USP35: variants seen among roughly 807,000 people sequenced by gnomAD.
USP35 encodes ubiquitin specific peptidase 35, also known as ubiquitin carboxyl-terminal hydrolase 35.
In USP35, 69 loss-of-function variants were observed where a neutral mutation model predicts 83.8. That is an observed-to-expected ratio of 0.82 (90% CI 0.68 to 1.01). USP35 has a LOEUF of 1.01. USP35 is among the 50% of genes least tolerant of loss of function. The pLI is 0.00. For synonymous variants in USP35, 714 were observed against 589.5 expected (o/e 1.21, Z -3.06); for missense variants, 1,503 against 1,362.5 (o/e 1.10, Z -1.62).
chr11:78,196,970 C>T lies in USP35; in HGVS notation c.673+52C>T, dbSNP rs1360998476. The T allele has an allele frequency of 4.2e-6, 6 of 1,420,640 alleles. No homozygotes were observed. Among genetic ancestry groups the T allele is most frequent in the Non-Finnish European group, 5.5e-6 (6 of 1,091,986 alleles). 88.0% of individuals were successfully genotyped at this position (1,420,640 alleles called of 1,614,324 possible). On this transcript the variant is annotated intron_variant, in intron 2 of 10. Coordinates refer to ENST00000529308, the MANE Select transcript of USP35 (RefSeq NM_020798.4). The surrounding 1 kb of genome is among the most constrained non-coding windows in gnomAD (Gnocchi z 4.8). ...CGGGCATGCGGAGGTCCTGGGTGGG[C>T]GCTTGGGTAGGTGGCTGTACGTGTG...
the USP35 span, among the ~76,000 whole-genome samples, chr11:78,227,290 A>G: frequency 2.0e-5 from 3 of 152,210 alleles, no homozygotes; most frequent in Non-Finnish European, 4.4e-5. Flanking sequence ...CACTCCCTGA[A>G]CAAGTATCAA....
chr11:78,217,139 C>CATTA (rs3832723), downstream of USP35: 40,321 of 152,066 alleles, frequency 0.27, 6,109 homozygotes, highest in African/African-American at 0.41. Context: ...CTTCCCTGAT[C>CATTA]CCCCACTCCT....
At chr11:78,216,865 T>G (rs1356390386), downstream of USP35, 1 of 152,034 alleles carries the variant, frequency 6.6e-6, no homozygotes, top group Non-Finnish European at 1.5e-5. Flanking sequence ...CTGGGCAGAG[T>G]GAACCAGCAC....
chr11:78,196,212 G>T lies in USP35; in HGVS notation c.-10-24G>T. On this transcript the variant is annotated intron_variant, in intron 1 of 10. Transcript: ENST00000529308. The surrounding 1 kb of genome is among the most constrained non-coding windows in gnomAD (Gnocchi z 4.8). ...TTGAGCCCCGCGGTTGTCGGGCTGT[G>T]ACCTCATTCCCTGTCCTCCGCAGCG... 1.3e-6 allele frequency: 2 copies of T among 1,566,498 alleles called. No individual in the cohort carries two copies. Among genetic ancestry groups the T allele is most frequent in the South Asian group, 2.3e-5 (2 of 88,386 alleles).
At chr11:78,221,526 T>G in the USP35 span, 149 of 441,788 alleles carry the variant, frequency 3.4e-4, no homozygotes, top group African/African-American at 2.9e-3. Context: ...AAACAGGTGC[T>G]CAAGAAGGGT....
At chr11:78,198,590 C>T (rs1761306969) in intron 3 of USP35, 1 of 984,944 alleles carries the variant, frequency 1.0e-6, no homozygotes, top group Admixed American at 6.1e-5. Flanking sequence ...CAGGCCTTTG[C>T]CTATGCAGAC....
intron 6 of USP35, among the ~76,000 whole-genome samples, chr11:78,203,411 C>T (rs929760850): frequency 5.3e-5 from 8 of 152,114 alleles, no homozygotes; most frequent in South Asian, 2.1e-4. Context: ...TTGCACCACT[C>T]GGCTAGATCT....
At chr11:78,199,528 T>G (rs1180377144) in intron 3 of USP35, 67 bp from the exon 4 acceptor site, 2 of 1,607,108 alleles carry the variant, frequency 1.2e-6, no homozygotes, top group Non-Finnish European at 1.7e-6. Flanking sequence ...GGATAGCCCC[T>G]GGGCTGCCCT....
the USP35 span, chr11:78,221,781 T>C: frequency 1.2e-6 from 2 of 1,607,934 alleles, no homozygotes; most frequent in Non-Finnish European, 1.7e-6. Flanking sequence ...AAGGTGTGGC[T>C]GTTGTGGGAA....
downstream of USP35, chr11:78,217,071 A>T (rs1448163096): frequency 6.6e-6 from 1 of 152,278 alleles, no homozygotes; most frequent in African/African-American, 2.4e-5. Flanking sequence ...CCTCTGTAAA[A>T]ATCTGACTCA....
Position 78,209,632 on chromosome 11 carries a change from T to G in USP35, c.1777T>G (p.Phe593Val). 1 of 1,614,046 alleles carries G rather than the reference T, an allele frequency of 6.2e-7. No homozygotes were observed. Among genetic ancestry groups the G allele is most frequent in the Non-Finnish European group, 8.5e-7 (1 of 1,179,974 alleles). The change falls in exon 10 of 11, where the codon TTC becomes GTC. Residue 593 changes from phenylalanine to valine, a missense_variant. By Grantham distance (50) the Phe-to-Val change is conservative. Transcript: ENST00000529308. Reference sequence around the variant, plus strand: ...CAACGTCTCCTCCCGGGAGGAGGCCTTCACGGACCTCTCTCTCGCCTTCCC... The same window carrying G: ...CAACGTCTCCTCCCGGGAGGAGGCCGTCACGGACCTCTCTCTCGCCTTCCC... ...CLNVSSREEAFTDLSLAFPPP... is the reference protein window; with the variant it reads ...CLNVSSREEAVTDLSLAFPPP...
intron 7 of USP35, among the ~76,000 whole-genome samples, chr11:78,206,432 C>T (rs1224468671): frequency 6.6e-6 from 1 of 152,136 alleles, no homozygotes; most frequent in African/African-American, 2.4e-5. Flanking sequence ...ACCTATCTAC[C>T]TTATGGCTTA....
intron 9 of USP35, 72 bp from the exon 10 acceptor site, chr11:78,209,376 G>A: frequency 6.9e-7 from 1 of 1,449,092 alleles, no homozygotes; most frequent in South Asian, 1.4e-5. Flanking sequence ...AAGGTAAATG[G>A]GCATGGATAA....
rs1863620520 is a variant in USP35 at position 78,208,862 on chromosome 11, T to C, written c.1491T>C (p.Pro497=). The change falls in exon 9 of 11, where the codon CCT becomes CCC. Residue 497 remains proline, a synonymous_variant. Transcript: ENST00000529308. ...LFGFLEHSQR[P]AISPENFLSA... is the part of the protein sequence containing the mutation. Reference sequence around the variant, plus strand: ...TTTCGCCTGCCTTGTCCTAGCGGCCTGCCATTTCCCCAGAGAACTTCCTCT... The same window carrying C: ...TTTCGCCTGCCTTGTCCTAGCGGCCCGCCATTTCCCCAGAGAACTTCCTCT... 2 of 1,614,080 alleles carry C rather than the reference T, an allele frequency of 1.2e-6. No homozygotes were observed. The highest frequency in any genetic ancestry group is 2.7e-5 in the African/African-American group (2 of 74,936).
rs974007395 is a variant in USP35 at position 78,196,418 on chromosome 11, G to A, written c.173G>A (p.Arg58His). 1.5e-6 allele frequency: 2 copies of A among 1,295,654 alleles called. No homozygotes were observed. Among genetic ancestry groups the A allele is most frequent in the East Asian group, 3.5e-5 (1 of 28,656 alleles). The allele number at this position is 1,295,654 out of a possible 1,614,324, so 80.3% of individuals were successfully genotyped here. A position where few individuals can be genotyped will look rare whatever the true frequency, so the allele number is the denominator to read the frequency against. Reference protein sequence around the residue: ...LYVGGAEELPRRVGCQLLHVA... With the variant: ...LYVGGAEELPHRVGCQLLHVA... The stretch of plus-strand genomic sequence containing the variant: ...GTGGGCGGCGCGGAGGAGCTGCCGC[G>A]CCGCGTGGGCTGCCAGCTGCTGCAC... The change falls in exon 2 of 11, where the codon CGC becomes CAC. Residue 58 changes from arginine to histidine, a missense_variant. Physicochemically the swap from Arg to His is conservative, Grantham distance 29 (BLOSUM62 0). Transcript: ENST00000529308. This position sits in a 1 kb window ranked among gnomAD's most constrained non-coding sequence, Gnocchi z 4.8.
Position 78,196,800 on chromosome 11 carries a change from CG to C in USP35, c.556del (p.Val186TrpfsTer4). ...RCPAEGEEGAVEFLEQAQQVS... is the reference protein window; with the variant it reads ...RCPAEGEEGAXEFLEQAQQVS... ...GCCCAGCCGAAGGCGAGGAGGGCGC[CG>C]TGGAGTTCCTAGAGCAGGCCCAGCA... On this transcript the variant is annotated frameshift_variant, in exon 2 of 11. Coordinates refer to ENST00000529308, the MANE Select transcript of USP35 (RefSeq NM_020798.4). LOFTEE classifies it high-confidence loss of function. The surrounding 1 kb of genome is among the most constrained non-coding windows in gnomAD (Gnocchi z 4.8). The C allele has an allele frequency of 6.5e-7, 1 of 1,534,398 alleles. No homozygotes were observed. Among genetic ancestry groups the C allele is most frequent in the Non-Finnish European group, 8.7e-7 (1 of 1,145,906 alleles).
chr11:78,211,192 G>C (rs754403955), intron 10 of USP35, among the ~76,000 whole-genome samples: 2 of 145,032 alleles, frequency 1.4e-5, no homozygotes, highest in Admixed American at 1.5e-4. Flanking sequence ...TTATGAGTAA[G>C]AGCATGCGGT....
chr11:78,192,357 G>A (rs1863030252), intron 1 of USP35, among the ~76,000 whole-genome samples: 1 of 152,216 alleles, frequency 6.6e-6, no homozygotes, highest in Non-Finnish European at 1.5e-5. Context: ...GAGGCAGAGT[G>A]CAGGTTCTAA....
intron 1 of USP35, among the ~76,000 whole-genome samples, chr11:78,195,442 CAGAA>C (rs1021553863): frequency 3.3e-5 from 5 of 152,278 alleles, no homozygotes; most frequent in African/African-American, 9.6e-5. Context: ...GGAGTTGAGG[CAGAA>C]AGAAAGAGTG....
Sources: allele counts gnomAD v4.1 joint callset (sites outside exome capture counted in the v4.1 genomes callset), GRCh38; gene constraint gnomAD v4.1.1; non-coding constraint Gnocchi (gnomAD v3.1); transcripts MANE v1.5; gene names NCBI Gene and HGNC (gene_info 2026-07-23, HGNC 2026-07-21).